Variants in TNIK observed in about 807,000 individuals in gnomAD.
TNIK encodes the protein TRAF2 and NCK-interacting protein kinase.
A neutral mutation model predicts 191.3 loss-of-function variants in TNIK; 49 were observed. That is an observed-to-expected ratio of 0.26 (90% confidence interval 0.20 to 0.32). TNIK has a LOEUF of 0.32. TNIK is among the 10% of genes least tolerant of loss of function. The pLI, the probability that TNIK is intolerant of heterozygous loss-of-function variation, is 1.00. For synonymous variants in TNIK, 594 were observed against 600.9 expected, an observed-to-expected ratio of 0.99 and a Z score of 0.17; for missense variants, 1,155 against 1,702.3, an observed-to-expected ratio of 0.68 and a Z score of 5.66.
At chr3:171,287,430 C>G (rs373107919) in intron 2 of TNIK, among the ~76,000 whole-genome samples, 68 of 152,264 alleles carry the variant, frequency 4.5e-4, no homozygotes, top group Non-Finnish European at 5.1e-4. Flanking sequence ...AGAAGGTCAC[C>G]CCAGCTGTGC....
intron 2 of TNIK, among the ~76,000 whole-genome samples, chr3:171,278,862 T>C (rs1750097804): frequency 6.6e-6 from 1 of 152,178 alleles, no homozygotes. Flanking sequence ...GGATATGAGA[T>C]GTTAGAGGGT....
intron 1 of TNIK, among the ~76,000 whole-genome samples, chr3:171,448,644 C>T (rs1423918920): frequency 1.4e-5 from 2 of 147,966 alleles, no homozygotes; most frequent in East Asian, 2.0e-4. Context: ...ATTCCTGGGT[C>T]ACATGGTAAC....
chr3:171,407,645 T>A (rs1221785202), intron 1 of TNIK, among the ~76,000 whole-genome samples: 1 of 152,182 alleles, frequency 6.6e-6, no homozygotes, highest in East Asian at 1.9e-4. Context: ...AGAAATTATA[T>A]CTCCATTTTC....
chr3:171,354,466 G>A (rs921094899), intron 2 of TNIK, among the ~76,000 whole-genome samples: 2 of 152,058 alleles, frequency 1.3e-5, no homozygotes, highest in Non-Finnish European at 2.9e-5. Flanking sequence ...AGCAGGACTC[G>A]GCTGACACAA....
At chr3:171,291,702 T>C (rs1751702115) in intron 2 of TNIK, among the ~76,000 whole-genome samples, 1 of 152,226 alleles carries the variant, frequency 6.6e-6, no homozygotes, top group Admixed American at 6.5e-5. Flanking sequence ...GACTATGATA[T>C]GCTTTGGTGT....
chr3:171,281,158 G>A (rs140462787), intron 2 of TNIK, among the ~76,000 whole-genome samples: 11 of 151,472 alleles, frequency 7.3e-5, no homozygotes, highest in South Asian at 4.2e-4. Context: ...TGCTTGGATA[G>A]AAGTTACTTT....
rs1353001310 is a variant in TNIK, at chr3:171,442,985, A to G, written c.57+17022T>C. ...AAATACTCCCAGAGAGAATATACAT[A>G]TTGTTCAGACAACAGAGTGTCTGTG... On this transcript the variant is annotated intron_variant, in intron 1 of 32. Transcript: ENST00000436636. 2.0e-5 allele frequency among the ~76,000 whole-genome samples: 3 copies of G among 152,214 alleles called. No homozygotes were observed. The South Asian group carries it at 6.2e-4, about 32-fold the overall frequency.
chr3:171,183,921 TA>T (rs11437224), intron 7 of TNIK, among the ~76,000 whole-genome samples: 30,214 of 85,982 alleles, frequency 0.35, 3,866 homozygotes, highest in African/African-American at 0.45. Flanking sequence ...GACTCCGTCT[TA>T]AAAAAAAAAA....
intron 9 of TNIK, among the ~76,000 whole-genome samples, chr3:171,169,613 G>A (rs1366808662): frequency 6.6e-6 from 1 of 152,100 alleles, no homozygotes; most frequent in Admixed American, 6.6e-5. Context: ...TTAATTAGAG[G>A]TTGATAAATA....
At chr3:171,453,466 G>C (rs1225865367) in intron 1 of TNIK, among the ~76,000 whole-genome samples, 1 of 152,090 alleles carries the variant, frequency 6.6e-6, no homozygotes, top group East Asian at 1.9e-4. Flanking sequence ...TGCCGCAATG[G>C]GGGAGTGGTC....
rs563037460 is a variant in TNIK at position 171,144,832 on chromosome 3, T to C, written c.1222-4323A>G. 1.4e-4 allele frequency among the ~76,000 whole-genome samples: 22 copies of C among 152,308 alleles called. No homozygotes were observed. The South Asian group carries it at 2.1e-3, about 14-fold the overall frequency. On this transcript the variant is annotated intron_variant, in intron 12 of 32. Transcript: ENST00000436636. Reference sequence around the variant, plus strand: ...CTTTCTATGAGAGTGACATCTTAGATTCCACCAGTGAGTGAGATCATATGG... The same window carrying C: ...CTTTCTATGAGAGTGACATCTTAGACTCCACCAGTGAGTGAGATCATATGG...
chr3:171,121,280 T>G (rs948485040), intron 18 of TNIK, among the ~76,000 whole-genome samples: 3 of 152,166 alleles, frequency 2.0e-5, no homozygotes, highest in African/African-American at 7.2e-5. Context: ...ACGGACTTCA[T>G]TAGGACCAAC....
chr3:171,215,303 G>A (rs562740303), intron 3 of TNIK, among the ~76,000 whole-genome samples: 1 of 152,270 alleles, frequency 6.6e-6, no homozygotes, highest in South Asian at 2.1e-4. Flanking sequence ...TTGTCATCAT[G>A]TGGTCATAAA....
At chr3:171,063,985 G>A (rs764869738) in intron 32 of TNIK, 21 bp from the exon 33 acceptor site, 1 of 1,611,084 alleles carries the variant, frequency 6.2e-7, no homozygotes, top group Admixed American at 1.7e-5. Flanking sequence ...TTAAAAAGAA[G>A]TTAGTTCAAC....
At chr3:171,237,843 A>G (rs1431669454) in intron 2 of TNIK, among the ~76,000 whole-genome samples, 1 of 152,208 alleles carries the variant, frequency 6.6e-6, no homozygotes, top group African/African-American at 2.4e-5. Context: ...ACTTGAGCCC[A>G]GGAGTTTGAG....
In TNIK at chr3:171,175,399, G is replaced by A. The variant is rs985294149; in HGVS notation, c.695-69C>T. 7.9e-6 allele frequency: 11 copies of A among 1,392,122 alleles called. No homozygotes were observed. The African/African-American group carries it at 1.6e-4, about 20-fold the overall frequency. 86.2% of individuals were successfully genotyped at this position (1,392,122 alleles called of 1,614,324 possible). A position where few individuals can be genotyped will look rare whatever the true frequency, so the allele number is the denominator to read the frequency against. The stretch of plus-strand genomic sequence containing the variant: ...AACCCAGGCCAAGCCCGTCTTGGCT[G>A]TGCAGATAATGGCTGCCCAATGACC... On this transcript the variant is annotated intron_variant, in intron 8 of 32. Coordinates refer to ENST00000436636, the MANE Select transcript of TNIK (RefSeq NM_015028.4).
At chr3:171,363,069 C>G (rs977765212) in intron 2 of TNIK, among the ~76,000 whole-genome samples, 7 of 152,144 alleles carry the variant, frequency 4.6e-5, no homozygotes, top group African/African-American at 1.7e-4. Flanking sequence ...ACAGAAGACA[C>G]AGGAAAAACT....
intron 2 of TNIK, among the ~76,000 whole-genome samples, chr3:171,233,377 T>C (rs538261486): frequency 6.6e-6 from 1 of 152,236 alleles, no homozygotes; most frequent in Non-Finnish European, 1.5e-5. Context: ...AAGCAGAATG[T>C]AGAATATGTA....
At chr3:171,295,004 G>A (rs1234228498) in intron 2 of TNIK, among the ~76,000 whole-genome samples, 1 of 111,866 alleles carries the variant, frequency 8.9e-6, no homozygotes, top group Non-Finnish European at 2.1e-5. Flanking sequence ...TCTGGCCAGG[G>A]AAGAGAGAGA....
Sources: allele counts gnomAD v4.1 joint callset (sites outside exome capture counted in the v4.1 genomes callset), GRCh38; gene constraint gnomAD v4.1.1; transcripts MANE v1.5; gene names NCBI Gene and HGNC (gene_info 2026-07-23, HGNC 2026-07-21).